Variants in SLC4A10 observed in about 807,000 individuals in gnomAD.
SLC4A10 encodes sodium-driven chloride bicarbonate exchanger.
A neutral mutation model predicts 137.7 loss-of-function variants in SLC4A10; 42 were observed. That is an observed-to-expected ratio of 0.30 (90% confidence interval 0.24 to 0.39). SLC4A10 has a LOEUF of 0.39. Among genes scored for constraint, SLC4A10 ranks in the 10% least tolerant of loss-of-function variants. The pLI, the probability that SLC4A10 is intolerant of heterozygous loss-of-function variation, is 1.00. For synonymous variants in SLC4A10, 474 were observed against 464.1 expected, an observed-to-expected ratio of 1.02 and a Z score of -0.27; for missense variants, 925 against 1,355.0, an observed-to-expected ratio of 0.68 and a Z score of 4.98.
chr2:161,906,505 C>T (rs1485836575), intron 15 of SLC4A10, among the ~76,000 whole-genome samples: 1 of 152,134 alleles, frequency 6.6e-6, no homozygotes, highest in Non-Finnish European at 1.5e-5. Flanking sequence ...TATCAACAGT[C>T]TGAAATGTCT....
chr2:161,636,731 C>T (rs115562071), intron 1 of SLC4A10, among the ~76,000 whole-genome samples: 12,216 of 151,866 alleles, frequency 0.08, 562 homozygotes, highest in East Asian at 0.14. Flanking sequence ...GCTCTGTCAC[C>T]CAGGCTGGAG....
intron 10 of SLC4A10, among the ~76,000 whole-genome samples, chr2:161,887,636 C>T (rs1042460488): frequency 7.2e-5 from 11 of 152,142 alleles, no homozygotes; most frequent in Admixed American, 6.6e-4. Flanking sequence ...ATATCCTTTA[C>T]CCACTTTTTG....
chr2:161,674,563 T>C (rs1021049602), intron 1 of SLC4A10, among the ~76,000 whole-genome samples: 6 of 152,172 alleles, frequency 3.9e-5, no homozygotes, highest in African/African-American at 1.2e-4. Context: ...GCTGTTCTAA[T>C]GAAAGGGGAG....
chr2:161,807,894 A>G lies in SLC4A10; in HGVS notation c.277+3299A>G, dbSNP rs1278599241. Among the ~76,000 whole-genome samples, 4 of 152,154 alleles carry G rather than the reference A, an allele frequency of 2.6e-5. No homozygotes were observed. In the East Asian group the frequency reaches 7.7e-4, roughly 29 times the overall value. On this transcript the variant is annotated intron_variant, in intron 3 of 26. Coordinates refer to ENST00000446997, the MANE Select transcript of SLC4A10 (RefSeq NM_001178015.2). Reference sequence around the variant, plus strand: ...TTCGTGAAAAATAATTTAGCTAGGTATGCAATTCCAAATTGACAAGTATTT... The same window carrying G: ...TTCGTGAAAAATAATTTAGCTAGGTGTGCAATTCCAAATTGACAAGTATTT...
intron 4 of SLC4A10, among the ~76,000 whole-genome samples, chr2:161,850,898 C>T (rs905680707): frequency 6.6e-6 from 1 of 152,038 alleles, no homozygotes; most frequent in Admixed American, 6.6e-5. Context: ...CCCAGAGATT[C>T]TAGTATGTTG....
At chr2:161,866,217 C>T (rs987005990) in intron 6 of SLC4A10, among the ~76,000 whole-genome samples, 5 of 151,910 alleles carry the variant, frequency 3.3e-5, no homozygotes, top group South Asian at 2.1e-4. Flanking sequence ...TAGTACTCTC[C>T]GGGGTTAAAC....
chr2:161,817,060 C>T (rs1206978519), intron 3 of SLC4A10, among the ~76,000 whole-genome samples: 1 of 152,200 alleles, frequency 6.6e-6, no homozygotes, highest in Non-Finnish European at 1.5e-5. Flanking sequence ...GCCACACTGA[C>T]TTTCACAATG....
intron 1 of SLC4A10, among the ~76,000 whole-genome samples, chr2:161,712,747 A>C (rs906417911): frequency 1.3e-5 from 2 of 151,904 alleles, no homozygotes; most frequent in African/African-American, 2.4e-5. Context: ...TTAAATTTAC[A>C]TGCTTAAATA....
At chr2:161,791,775 T>C (rs530025068) in intron 2 of SLC4A10, among the ~76,000 whole-genome samples, 7 of 152,320 alleles carry the variant, frequency 4.6e-5, no homozygotes, top group Middle Eastern at 3.4e-3. Context: ...TCTGATATTT[T>C]GTTTGTTTGA....
chr2:161,922,438 CTA>C (rs1407060258), intron 15 of SLC4A10, among the ~76,000 whole-genome samples: 2 of 152,094 alleles, frequency 1.3e-5, no homozygotes, highest in Non-Finnish European at 2.9e-5. Flanking sequence ...AGGATTGTCT[CTA>C]TATTATTTAA....
chr2:161,633,819 T>A (rs531130886), intron 1 of SLC4A10, among the ~76,000 whole-genome samples: 5 of 151,888 alleles, frequency 3.3e-5, no homozygotes, highest in Admixed American at 2.6e-4. Flanking sequence ...CTTTTCCTAA[T>A]AATAAAATTA....
At position 161,943,013 on chromosome 2, in the gene SLC4A10, GT is replaced by G. The variant is rs971245508; in HGVS notation, c.2103+120del. 1.4e-4 allele frequency: 94 copies of G among 689,112 alleles called. No individual in the cohort carries two copies. The African/African-American group carries it at 1.5e-3, about 11-fold the overall frequency. 42.7% of individuals were successfully genotyped at this position (689,112 alleles called of 1,614,324 possible). A position where few individuals can be genotyped will look rare whatever the true frequency, so the allele number is the denominator to read the frequency against. ...TGCATAATATAAAACTAATAGTTGTGTTTTAATTTTAATTTCATCATTTCAG... is the reference window on the plus strand; with the variant it reads ...TGCATAATATAAAACTAATAGTTGTGTTTAATTTTAATTTCATCATTTCAG... On this transcript the variant is annotated intron_variant, in intron 16 of 26. Coordinates refer to ENST00000446997, the MANE Select transcript of SLC4A10 (RefSeq NM_001178015.2).
rs189309952 is a variant in SLC4A10, at chr2:161,800,430, C to G, written c.131-4019C>G. Among the ~76,000 whole-genome samples the G allele has an allele frequency of 9.9e-5, 15 of 152,050 alleles. No homozygotes were observed. The East Asian group carries it at 2.9e-3, about 29-fold the overall frequency. ...GCACCAAAAACTGTCAAGCATTGTT[C>G]TAGGTATTTGGGATACATCAGTCGA... On this transcript the variant is annotated intron_variant, in intron 2 of 26. Coordinates refer to ENST00000446997, the MANE Select transcript of SLC4A10 (RefSeq NM_001178015.2).
At chr2:161,678,108 G>A (rs189982167) in intron 1 of SLC4A10, among the ~76,000 whole-genome samples, 233 of 152,112 alleles carry the variant, frequency 1.5e-3, no homozygotes, top group African/African-American at 5.3e-3. Context: ...AGACAGATAC[G>A]TCTTTCCTCA....
At chr2:161,945,967 T>C (rs1444150289) in intron 16 of SLC4A10, among the ~76,000 whole-genome samples, 1 of 152,002 alleles carries the variant, frequency 6.6e-6, no homozygotes, top group Non-Finnish European at 1.5e-5. Context: ...TTTTTCTATG[T>C]AGCAATTTTG....
chr2:161,665,008 C>G (rs193031015), intron 1 of SLC4A10, among the ~76,000 whole-genome samples: 1 of 151,706 alleles, frequency 6.6e-6, no homozygotes, highest in East Asian at 1.9e-4. Flanking sequence ...ATAGAAAAAT[C>G]TTGTACAACA....
chr2:161,639,720 G>A (rs900918893), intron 1 of SLC4A10, among the ~76,000 whole-genome samples: 1 of 152,100 alleles, frequency 6.6e-6, no homozygotes, highest in Admixed American at 6.6e-5. Context: ...AACAAGATAA[G>A]GATGCCCACT....
At chr2:161,688,695 A>G (rs2041681844) in intron 1 of SLC4A10, among the ~76,000 whole-genome samples, 2 of 152,192 alleles carry the variant, frequency 1.3e-5, no homozygotes, top group Admixed American at 1.3e-4. Flanking sequence ...TTTACAAGTA[A>G]ATAATAACTT....
At chr2:161,809,302 T>G (rs1338788643) in intron 3 of SLC4A10, among the ~76,000 whole-genome samples, 1 of 152,108 alleles carries the variant, frequency 6.6e-6, no homozygotes, top group Non-Finnish European at 1.5e-5. Context: ...AATGCATAGT[T>G]TGCAAATATT....
Sources: allele counts gnomAD v4.1 joint callset (sites outside exome capture counted in the v4.1 genomes callset), GRCh38; gene constraint gnomAD v4.1.1; transcripts MANE v1.5; gene names NCBI Gene and HGNC (gene_info 2026-07-23, HGNC 2026-07-21).